FHIT: variants seen among roughly 807,000 people sequenced by gnomAD.
The protein encoded by FHIT is fragile histidine triad diadenosine triphosphatase, also known as bis(5'-adenosyl)-triphosphatase.
A neutral mutation model predicts 17.9 loss-of-function variants in FHIT; 19 were observed. The observed-to-expected ratio is 1.06, with a 90% CI of 0.74 to 1.56. The LOEUF (loss-of-function observed/expected upper bound fraction) is 1.56, where lower values mean the gene tolerates loss of function less well. FHIT is among the 40% of genes most tolerant of loss of function. The probability of loss-of-function intolerance (pLI) is 0.00; values close to 1 mark genes in which losing one functional copy is unlikely to be tolerated. For synonymous variants in FHIT, 81 were observed against 69.7 expected (o/e 1.16, Z -0.81); for missense variants, 248 against 189.2 (o/e 1.31, Z -1.82).
intron 2 of FHIT, among the ~76,000 whole-genome samples, chr3:61,179,155 A>G (rs771209459): frequency 4.6e-5 from 7 of 151,282 alleles, no homozygotes; most frequent in South Asian, 2.1e-4. Flanking sequence ...GACTACACAC[A>G]TGTGCCACCA....
intron 7 of FHIT, among the ~76,000 whole-genome samples, chr3:59,994,394 TA>T (rs1347758729): frequency 6.6e-6 from 1 of 152,090 alleles, no homozygotes; most frequent in Non-Finnish European, 1.5e-5. Flanking sequence ...CATTAGCACA[TA>T]ATCACAGAAG....
chr3:60,406,612 T>G (rs1172662619), intron 5 of FHIT, among the ~76,000 whole-genome samples: 1 of 147,340 alleles, frequency 6.8e-6, no homozygotes, highest in Non-Finnish European at 1.5e-5. Flanking sequence ...AATCTTAATA[T>G]GGACTTTCAT....
chr3:61,226,583 G>C (rs1033424966), intron 1 of FHIT, among the ~76,000 whole-genome samples: 7 of 151,938 alleles, frequency 4.6e-5, no homozygotes, highest in African/African-American at 1.2e-4. Flanking sequence ...CATTACTAGA[G>C]AAGAAGTGGG....
chr3:60,377,568 G>A (rs982939828), intron 5 of FHIT, among the ~76,000 whole-genome samples: 32 of 132,542 alleles, frequency 2.4e-4, no homozygotes, highest in Admixed American at 1.3e-3. Flanking sequence ...TGCAAGCTCC[G>A]CTTCCCGGGT....
Position 59,894,403 on chromosome 3 carries a change from CT to C in FHIT, c.348+27942del, listed in dbSNP as rs556244093. The stretch of plus-strand genomic sequence containing the variant: ...CACAATGTCTAGCACATAATTTACA[CT>C]TCATAAACATTAGCATCATAACCAG... On this transcript the variant is annotated intron_variant, in intron 8 of 9. Transcript: ENST00000492590. Among the ~76,000 whole-genome samples the C allele has an allele frequency of 5.3e-5, 8 of 152,242 alleles. No homozygotes were observed. In the South Asian group the frequency reaches 1.0e-3, roughly 20 times the overall value.
chr3:60,208,112 T>C (rs1703285857), intron 5 of FHIT, among the ~76,000 whole-genome samples: 1 of 152,196 alleles, frequency 6.6e-6, no homozygotes, highest in Admixed American at 6.5e-5. Flanking sequence ...TTGGGATACA[T>C]TTAAATCTGT....
chr3:60,354,994 T>C (rs949820913), intron 5 of FHIT, among the ~76,000 whole-genome samples: 1 of 152,188 alleles, frequency 6.6e-6, no homozygotes, highest in Non-Finnish European at 1.5e-5. Flanking sequence ...ATCTGTAAAC[T>C]AGAACTTTAA....
At chr3:60,708,898 G>C (rs1235262254) in intron 4 of FHIT, among the ~76,000 whole-genome samples, 1 of 152,194 alleles carries the variant, frequency 6.6e-6, no homozygotes, top group Admixed American at 6.5e-5. Context: ...GCTGTAGCTA[G>C]TAACATTTGT....
At chr3:59,940,108 G>C (rs1706440693) in intron 7 of FHIT, among the ~76,000 whole-genome samples, 1 of 152,284 alleles carries the variant, frequency 6.6e-6, no homozygotes, top group African/African-American at 2.4e-5. Context: ...CAGAGCTTCA[G>C]ATTTCTTGTT....
At chr3:60,315,263 G>C (rs1215789795) in intron 5 of FHIT, among the ~76,000 whole-genome samples, 1 of 152,162 alleles carries the variant, frequency 6.6e-6, no homozygotes, top group African/African-American at 2.4e-5. Context: ...CAGCTATTGT[G>C]TTATGGAGTA....
At chr3:59,880,046 C>T (rs1703343813) in intron 8 of FHIT, among the ~76,000 whole-genome samples, 1 of 151,728 alleles carries the variant, frequency 6.6e-6, no homozygotes. Context: ...AAAACTTCTG[C>T]AAGAAGATCA....
At chr3:60,190,420 C>A (rs993148700) in intron 5 of FHIT, among the ~76,000 whole-genome samples, 1 of 151,654 alleles carries the variant, frequency 6.6e-6, no homozygotes, top group African/African-American at 2.4e-5. Flanking sequence ...GTACACATAC[C>A]CCTAAAAGCT....
At chr3:61,029,937 A>C (rs2032929137) in intron 3 of FHIT, among the ~76,000 whole-genome samples, 1 of 152,144 alleles carries the variant, frequency 6.6e-6, no homozygotes, top group Non-Finnish European at 1.5e-5. Flanking sequence ...CTTGGGCTCC[A>C]CCCTAGACCT....
intron 5 of FHIT, among the ~76,000 whole-genome samples, chr3:60,167,317 T>C (rs970022314): frequency 2.0e-5 from 3 of 152,208 alleles, no homozygotes; most frequent in Admixed American, 6.5e-5. Flanking sequence ...AAATAATACA[T>C]TGCATACTAC....
chr3:60,061,891 T>A (rs1459662082), intron 5 of FHIT, among the ~76,000 whole-genome samples: 1 of 151,910 alleles, frequency 6.6e-6, no homozygotes, highest in Non-Finnish European at 1.5e-5. Context: ...AGAATTCACA[T>A]GTAGGAGAGA....
chr3:61,076,115 T>A (rs989937606), intron 2 of FHIT, among the ~76,000 whole-genome samples: 3 of 152,178 alleles, frequency 2.0e-5, no homozygotes, highest in African/African-American at 7.2e-5. Flanking sequence ...ATGAAAGATC[T>A]GAGATTTAAA....
chr3:60,473,748 G>A (rs1401959732), intron 5 of FHIT, among the ~76,000 whole-genome samples: 5 of 151,928 alleles, frequency 3.3e-5, no homozygotes, highest in Admixed American at 2.6e-4. Flanking sequence ...GTGAAACCCC[G>A]TCTCTACTAA....
At chr3:60,385,052 C>A (rs1700956672) in intron 5 of FHIT, among the ~76,000 whole-genome samples, 1 of 152,094 alleles carries the variant, frequency 6.6e-6, no homozygotes, top group South Asian at 2.1e-4. Flanking sequence ...ACACAACAGA[C>A]TTTTGTTAAA....
At chr3:60,923,609 C>A (rs1480677055) in intron 3 of FHIT, among the ~76,000 whole-genome samples, 1 of 152,162 alleles carries the variant, frequency 6.6e-6, no homozygotes, top group Non-Finnish European at 1.5e-5. Flanking sequence ...GGAACAGCTC[C>A]AGTCTACAGC....
Sources: gnomAD v4.1 joint callset for allele counts (sites outside exome capture counted in the v4.1 genomes callset) on GRCh38, gnomAD v4.1.1 for gene constraint, MANE v1.5 for transcripts, NCBI Gene and HGNC (gene_info 2026-07-23, HGNC 2026-07-21) for gene names.